The following NCS1 variants were observed in gnomAD, a reference collection of about 807,000 sequenced individuals.
The protein encoded by NCS1 is frequenin homolog.
NCS1 carries 6 observed loss-of-function variants against 28.4 expected under a neutral mutation model. That is an observed-to-expected ratio of 0.21 (90% CI 0.12 to 0.42). The LOEUF (loss-of-function observed/expected upper bound fraction) is 0.42. Ranked by LOEUF, NCS1 falls within the 10% of genes least tolerant of loss-of-function variation. NCS1 has a pLI of 1.00. For synonymous variants in NCS1, 86 were observed against 99.3 expected (o/e 0.87, Z 0.79); for missense variants, 131 against 241.4 (o/e 0.54, Z 3.03).
Position 130,180,992 on chromosome 9 carries a change from A to G in NCS1, c.64+8265A>G, listed in dbSNP as rs1832646042. ...GGCTCCTGTGCGCCCAGGGGCTCAGAGGATGGACAGCAGCCTGCCTGGGAT... is the reference window on the plus strand; with the variant it reads ...GGCTCCTGTGCGCCCAGGGGCTCAGGGGATGGACAGCAGCCTGCCTGGGAT... On this transcript the variant is annotated intron_variant, in intron 1 of 7. Coordinates refer to ENST00000372398, the MANE Select transcript of NCS1 (RefSeq NM_014286.4). The surrounding 1 kb of genome is among the most constrained non-coding windows in gnomAD (Gnocchi z 4.5). 6.6e-6 allele frequency among the ~76,000 whole-genome samples: 1 copy of G among 152,126 alleles called. No homozygotes were observed. Among genetic ancestry groups the G allele is most frequent in the South Asian group, 2.1e-4 (1 of 4,826 alleles).
In NCS1 at chr9:130,200,962, C is replaced by T. The variant is rs782377454; in HGVS notation, c.69C>T (p.Thr23=). The T allele has an allele frequency of 8.1e-6, 13 of 1,614,226 alleles. No homozygotes were observed. Among genetic ancestry groups the T allele is most frequent in the African/African-American group, 2.7e-5 (2 of 75,062 alleles). ...VEELTRKTYF[T]EKEVQQWYKG... is the part of the protein sequence containing the mutation. ...CTTTTCTGCTTTCTCTTGCAGTTAC[C>T]GAGAAGGAGGTCCAGCAGTGGTGAG... Residue 23 remains threonine (T), a synonymous_variant, in exon 2 of 8, where the codon ACC becomes ACT. Transcript: ENST00000372398.
chr9:130,176,186 CTTTCTTTCTTTT>C lies in NCS1; in HGVS notation c.64+3463_64+3474del, dbSNP rs1747253772. On this transcript the variant is annotated intron_variant, in intron 1 of 7. Coordinates refer to ENST00000372398, the MANE Select transcript of NCS1 (RefSeq NM_014286.4). ...TCTTTCTTTCTTTCTTTCTTTCTTT[CTTTCTTTCTTTT>C]TTTTTTTTTTTGGAGACAGGGTCTG... 5.1e-5 allele frequency among the ~76,000 whole-genome samples: 3 copies of C among 59,338 alleles called. No individual in the cohort carries two copies. In the South Asian group the frequency reaches 1.2e-3, roughly 24 times the overall value. The allele number at this position is 59,338 out of a possible 152,430, so 38.9% of individuals were successfully genotyped here.
chr9:130,211,573 C>T (rs952509651), intron 2 of NCS1, among the ~76,000 whole-genome samples: 3 of 151,758 alleles, frequency 2.0e-5, no homozygotes, highest in Admixed American at 1.3e-4. Flanking sequence ...GGAGGACTTT[C>T]GGCTTCCACC....
chr9:130,219,718 C>T lies in NCS1; in HGVS notation c.229-7C>T, dbSNP rs1420925602. ...TGACTGAGGCAATCCCCTCTCTCTC[C>T]TGTCAGGACGGGCGAATTGAGTTCT... On this transcript the variant is annotated splice_region_variant and splice_polypyrimidine_tract_variant and intron_variant, in intron 3 of 7. Coordinates refer to ENST00000372398, the MANE Select transcript of NCS1 (RefSeq NM_014286.4). This position sits in a 1 kb window ranked among gnomAD's most constrained non-coding sequence, Gnocchi z 5.7. 1 of 1,614,086 alleles carries T rather than the reference C, an allele frequency of 6.2e-7. No homozygotes were observed. The highest frequency in any genetic ancestry group is 1.7e-5 in the Admixed American group (1 of 60,012).
chr9:130,185,366 G>A (rs925026836), intron 1 of NCS1, among the ~76,000 whole-genome samples: 3 of 152,242 alleles, frequency 2.0e-5, no homozygotes, highest in Non-Finnish European at 2.9e-5. Flanking sequence ...AATGAACGAA[G>A]TTCCTTCTTA....
At chr9:130,194,285 G>A (rs972882692) in intron 1 of NCS1, among the ~76,000 whole-genome samples, 4 of 152,230 alleles carry the variant, frequency 2.6e-5, no homozygotes, top group South Asian at 2.1e-4. Flanking sequence ...GTGTGGAAGG[G>A]AGGAGGAGCT....
intron 7 of NCS1, among the ~76,000 whole-genome samples, chr9:130,228,388 TG>T (rs1223437732): frequency 1.3e-5 from 2 of 152,048 alleles, no homozygotes; most frequent in South Asian, 2.1e-4. Context: ...TGTTTTGTTT[TG>T]TTTTTTTTCT....
chr9:130,197,919 A>G (rs2131132564), intron 1 of NCS1, among the ~76,000 whole-genome samples: 2 of 148,314 alleles, frequency 1.3e-5, no homozygotes, highest in South Asian at 4.5e-4. Flanking sequence ...GAGCCAAGAT[A>G]GTGCCACTGC....
At chr9:130,182,024 CA>C (rs1588108487) in intron 1 of NCS1, among the ~76,000 whole-genome samples, 1 of 152,114 alleles carries the variant, frequency 6.6e-6, no homozygotes, top group East Asian at 1.9e-4. Context: ...GATAAGCTGC[CA>C]CTCCCCAAGG....
Position 130,180,764 on chromosome 9 carries a change from T to C in NCS1, c.64+8037T>C, listed in dbSNP as rs3780711. Among the ~76,000 whole-genome samples, 39,608 of 152,110 alleles carry C rather than the reference T, an allele frequency of 0.26. 6,979 individuals are homozygous for C. Among genetic ancestry groups the C allele is most frequent in the East Asian group, 0.58 (3,007 of 5,148 alleles). On this transcript the variant is annotated intron_variant, in intron 1 of 7. Coordinates refer to ENST00000372398, the MANE Select transcript of NCS1 (RefSeq NM_014286.4). This position sits in a 1 kb window ranked among gnomAD's most constrained non-coding sequence, Gnocchi z 4.5. ...CCAGGAAGGAGGCTGCTGGACCGGC[T>C]GTATCAGGGACAGCCGTTCTTGGCC...
At chr9:130,224,136 G>T (rs371852418) in intron 6 of NCS1, among the ~76,000 whole-genome samples, 1 of 148,346 alleles carries the variant, frequency 6.7e-6, no homozygotes, top group Non-Finnish European at 1.5e-5. Context: ...GTGAGCCACC[G>T]TGCCTGGCCA....
chr9:130,178,612 T>G (rs1289017005), intron 1 of NCS1, among the ~76,000 whole-genome samples: 20 of 152,050 alleles, frequency 1.3e-4, no homozygotes, highest in African/African-American at 4.8e-4. Flanking sequence ...ATTTGGACAT[T>G]ATTCGAGATC....
chr9:130,190,227 C>T (rs1193118800), intron 1 of NCS1, among the ~76,000 whole-genome samples: 1 of 152,170 alleles, frequency 6.6e-6, no homozygotes, highest in African/African-American at 2.4e-5. Context: ...GTGCCAGATG[C>T]TACCATTTGG....
In NCS1 at chr9:130,232,658, C is replaced by T. The variant is rs1037575153; in HGVS notation, c.*18-332C>T. Among the ~76,000 whole-genome samples, 17 of 152,008 alleles carry T rather than the reference C, an allele frequency of 1.1e-4. No homozygotes were observed. The highest frequency in any genetic ancestry group is 3.9e-4 in the Admixed American group (6 of 15,252). ...GAAATTAGCCAGGCATGGTGGCGGGCGCCTGTAATCCCAGCTACTTGGGAG... is the reference window on the plus strand; with the variant it reads ...GAAATTAGCCAGGCATGGTGGCGGGTGCCTGTAATCCCAGCTACTTGGGAG... On this transcript the variant is annotated intron_variant, in intron 7 of 7. Transcript: ENST00000372398. This position sits in a 1 kb window ranked among gnomAD's most constrained non-coding sequence, Gnocchi z 4.4.
intron 1 of NCS1, among the ~76,000 whole-genome samples, chr9:130,184,032 G>A (rs782749478): frequency 8.6e-5 from 13 of 151,876 alleles, no homozygotes; most frequent in Non-Finnish European, 1.5e-4. Flanking sequence ...GGATGGTCTC[G>A]ATCTCCTGAC....
intron 2 of NCS1, among the ~76,000 whole-genome samples, chr9:130,207,096 A>T (rs75580509): frequency 0.036 from 5,548 of 152,252 alleles, 338 homozygotes; most frequent in African/African-American, 0.12. Context: ...CCCAGACAGC[A>T]GATCCTGAAT....
At chr9:130,203,837 A>G (rs1342090970) in intron 2 of NCS1, among the ~76,000 whole-genome samples, 2 of 152,092 alleles carry the variant, frequency 1.3e-5, no homozygotes, top group Non-Finnish European at 2.9e-5. Context: ...TCAGCATATC[A>G]TAGATGAAGA....
chr9:130,173,053 G>A (rs1725577028), intron 1 of NCS1, among the ~76,000 whole-genome samples: 1 of 152,140 alleles, frequency 6.6e-6, no homozygotes, highest in Non-Finnish European at 1.5e-5. Context: ...CTGTTGCCAG[G>A]GTGGGGCGGT....
At chr9:130,184,281 G>A (rs913213850) in intron 1 of NCS1, among the ~76,000 whole-genome samples, 1 of 152,104 alleles carries the variant, frequency 6.6e-6, no homozygotes, top group Non-Finnish European at 1.5e-5. Context: ...TTTTCTGGTG[G>A]TCTGGTGTCC....
Sources: gnomAD v4.1 joint callset for allele counts (sites outside exome capture counted in the v4.1 genomes callset) on GRCh38, gnomAD v4.1.1 for gene constraint, Gnocchi (gnomAD v3.1) non-coding constraint, MANE v1.5 for transcripts, NCBI Gene and HGNC (gene_info 2026-07-23, HGNC 2026-07-21) for gene names.